SEC63: variants seen among roughly 807,000 people sequenced by gnomAD.
SEC63 encodes translocation protein SEC63 homolog.
SEC63 carries 56 observed loss-of-function variants against 116.2 expected under a neutral mutation model. That is an observed-to-expected ratio of 0.48 (90% CI 0.39 to 0.60). SEC63 has a LOEUF of 0.60. SEC63 is among the 20% of genes least tolerant of loss of function. The pLI, the probability that SEC63 is intolerant of heterozygous loss-of-function variation, is 0.00. For synonymous variants in SEC63, 273 were observed against 294.6 expected (o/e 0.93, Z 0.75); for missense variants, 668 against 900.0 (o/e 0.74, Z 3.30).
chr6:107,904,508 G>T, intron 11 of SEC63, 121 bp downstream of exon 11: 1 of 747,016 alleles, frequency 1.3e-6, no homozygotes, highest in South Asian at 1.5e-5. Flanking sequence ...GAGTAAAATT[G>T]AAGAAGCTCA....
chr6:107,921,546 G>C (rs1449968365), intron 4 of SEC63, among the ~76,000 whole-genome samples: 1 of 151,578 alleles, frequency 6.6e-6, no homozygotes, highest in Non-Finnish European at 1.5e-5. Flanking sequence ...TGACCTCCCA[G>C]GCTCAAACAA....
chr6:107,872,699 G>A, intron 20 of SEC63, 109 bp downstream of exon 20: 1 of 712,496 alleles, frequency 1.4e-6, no homozygotes, highest in Non-Finnish European at 2.5e-6. Flanking sequence ...AGCATGAGAT[G>A]ACTTCTTTTT....
chr6:107,902,749 T>C (rs944825000), intron 12 of SEC63, 95 bp downstream of exon 12: 27 of 1,163,128 alleles, frequency 2.3e-5, no homozygotes, highest in African/African-American at 1.7e-4. Flanking sequence ...ATCTAAAAAA[T>C]GCATAGTAAC....
intron 7 of SEC63, among the ~76,000 whole-genome samples, chr6:107,909,724 A>C (rs569683720): frequency 6.6e-6 from 1 of 152,342 alleles, no homozygotes; most frequent in Admixed American, 6.5e-5. Context: ...AAATGTAGGC[A>C]TAATTTTACA....
At chr6:107,896,411 A>T (rs1251907527) in intron 14 of SEC63, among the ~76,000 whole-genome samples, 1 of 152,142 alleles carries the variant, frequency 6.6e-6, no homozygotes, top group African/African-American at 2.4e-5. Context: ...GGTTGCAGTG[A>T]GCCAAGATTG....
chr6:107,902,449 C>G (rs888168762), intron 12 of SEC63, among the ~76,000 whole-genome samples: 1 of 151,974 alleles, frequency 6.6e-6, no homozygotes, highest in African/African-American at 2.4e-5. Flanking sequence ...ATTATATATT[C>G]TAAATAAGAA....
chr6:107,957,551 A>G, intron 1 of SEC63: 1 of 182,206 alleles, frequency 5.5e-6, no homozygotes, highest in Non-Finnish European at 1.1e-5. Flanking sequence ...CTCACCTCCC[A>G]AGTCCCCATC....
At chr6:107,878,718 G>A (rs1425251440) in intron 18 of SEC63, among the ~76,000 whole-genome samples, 3 of 152,160 alleles carry the variant, frequency 2.0e-5, no homozygotes, top group African/African-American at 7.2e-5. Flanking sequence ...AGCTGGGTGT[G>A]TTGGCACATG....
chr6:107,917,220 C>T (rs1032038744), intron 4 of SEC63, among the ~76,000 whole-genome samples: 2 of 152,180 alleles, frequency 1.3e-5, no homozygotes, highest in Non-Finnish European at 2.9e-5. Flanking sequence ...CCCTTCATTT[C>T]CCATAAGGGA....
chr6:107,877,319 C>G (rs1337629424), intron 18 of SEC63: 1 of 152,086 alleles, frequency 6.6e-6, no homozygotes, highest in Non-Finnish European at 1.5e-5. Context: ...AAAATAAACT[C>G]TAGGATGTTC....
intron 1 of SEC63, among the ~76,000 whole-genome samples, chr6:107,953,507 G>A (rs1325314215): frequency 1.4e-5 from 2 of 143,968 alleles, no homozygotes; most frequent in Non-Finnish European, 3.0e-5. Context: ...CAGCCGCCCC[G>A]TCCGGGAGGG....
intron 19 of SEC63, among the ~76,000 whole-genome samples, chr6:107,875,673 CTGGG>C (rs1786246710): frequency 6.6e-6 from 1 of 152,160 alleles, no homozygotes; most frequent in Admixed American, 6.5e-5. Context: ...GCACTCCAGC[CTGGG>C]TGACACAGCC....
chr6:107,923,552 G>A (rs754516338), intron 3 of SEC63, among the ~76,000 whole-genome samples: 2 of 152,042 alleles, frequency 1.3e-5, no homozygotes, highest in Non-Finnish European at 2.9e-5. Flanking sequence ...AAGAGACAGG[G>A]TCTCACTCTG....
intron 16 of SEC63, among the ~76,000 whole-genome samples, chr6:107,887,164 T>C (rs1786549238): frequency 6.6e-6 from 1 of 151,854 alleles, no homozygotes; most frequent in Non-Finnish European, 1.5e-5. Context: ...TGTAAACTAG[T>C]TCAACCATTG....
chr6:107,927,093 T>C (rs1343041654), intron 2 of SEC63, among the ~76,000 whole-genome samples: 4 of 152,128 alleles, frequency 2.6e-5, no homozygotes, highest in Non-Finnish European at 5.9e-5. Flanking sequence ...AATGGAGTCT[T>C]ACTCTGTCAC....
intron 14 of SEC63, among the ~76,000 whole-genome samples, chr6:107,895,367 T>C (rs1381104050): frequency 6.6e-6 from 1 of 152,150 alleles, no homozygotes; most frequent in African/African-American, 2.4e-5. Context: ...TCCTTATCAC[T>C]TGCTATAATA....
At chr6:107,901,949 C>T (rs981095906) in intron 12 of SEC63, among the ~76,000 whole-genome samples, 4 of 151,862 alleles carry the variant, frequency 2.6e-5, no homozygotes, top group Non-Finnish European at 4.4e-5. Context: ...TCAATAAAGA[C>T]GCACCTTCAA....
intron 1 of SEC63, among the ~76,000 whole-genome samples, chr6:107,953,504 C>A (rs1389534170): frequency 6.7e-6 from 1 of 149,522 alleles, no homozygotes; most frequent in African/African-American, 2.5e-5. Context: ...GGCCAGCCGC[C>A]CCGTCCGGGA....
chr6:107,889,467 T>C (rs1453958062), intron 16 of SEC63, among the ~76,000 whole-genome samples: 4 of 152,170 alleles, frequency 2.6e-5, no homozygotes, highest in Admixed American at 2.0e-4. Context: ...TTGCATCTAT[T>C]TGATTCTTCT....
Sources: gnomAD v4.1 joint callset for allele counts (sites outside exome capture counted in the v4.1 genomes callset) on GRCh38, gnomAD v4.1.1 for gene constraint, MANE v1.5 for transcripts, NCBI Gene and HGNC (gene_info 2026-07-23, HGNC 2026-07-21) for gene names.